PLA2G4B: variants seen among roughly 807,000 people sequenced by gnomAD.
The protein encoded by PLA2G4B is phospholipase A2 group IVB, also known as cytosolic phospholipase A2 beta.
Under a neutral mutation model 95.8 loss-of-function variants are expected in PLA2G4B, and 122 were observed. The ratio of observed to expected loss-of-function variants is 1.27; its 90% confidence interval spans 1.10 to 1.48. The LOEUF is 1.48. PLA2G4B is among the 40% of genes most tolerant of loss of function. PLA2G4B has a pLI of 0.00. For synonymous variants in PLA2G4B, 518 were observed against 421.5 expected (o/e 1.23, Z -2.80); for missense variants, 1,158 against 996.2 (o/e 1.16, Z -2.19).
chr15:41,842,428 G>C (rs1003860609), intron 9 of PLA2G4B, 126 bp from the exon 10 acceptor site: 89 of 1,556,928 alleles, frequency 5.7e-5, no homozygotes, highest in Non-Finnish European at 7.4e-5. Flanking sequence ...GAGCATCCCT[G>C]CTTCAGGCCT....
chr15:41,840,969 TGCACACACAC>T, intron 4 of PLA2G4B, 64 bp downstream of exon 4: 2 of 1,589,146 alleles, frequency 1.3e-6, no homozygotes, highest in Non-Finnish European at 1.7e-6. Flanking sequence ...CGCGCACACA[TGCACACACAC>T]GCATGTCTCT....
chr15:41,841,735 G>A (rs200765689), intron 7 of PLA2G4B, 84 bp from the exon 8 acceptor site: 2 of 1,579,216 alleles, frequency 1.3e-6, no homozygotes, highest in Non-Finnish European at 1.7e-6. Context: ...GGGAGAGGGA[G>A]GTGCCCTCCA....
chr15:41,838,882 C>G lies in PLA2G4B; in HGVS notation c.-32C>G. On this transcript the variant is annotated 5_prime_UTR_variant, in exon 1 of 20. Coordinates refer to ENST00000458483, the MANE Select transcript of PLA2G4B (RefSeq NM_001114633.2). ...CAGTCCTTGATCCTGTGGCCACTGC[C>G]CCATCATTCCTGCTCCTGAGGACTC... The G allele has an allele frequency of 6.3e-7, 1 of 1,589,280 alleles. No homozygotes were observed. Among genetic ancestry groups the G allele is most frequent in the Admixed American group, 1.8e-5 (1 of 57,014 alleles).
At position 41,847,849 on chromosome 15, in the gene PLA2G4B, A is replaced by G; in HGVS notation, c.2335A>G (p.Arg779Gly). The G allele has an allele frequency of 6.2e-7, 1 of 1,612,674 alleles. No individual in the cohort carries two copies. Among genetic ancestry groups the G allele is most frequent in the Non-Finnish European group, 8.5e-7 (1 of 1,179,860 alleles). ...GGCAGTGCAGCGGAGGCGGCAGCGC[A>G]GGCCCCACTGATGGCCGGGGCCCCT... ...RQAVQRRRQR[R>G]PH The change falls in exon 20 of 20, where the codon AGG becomes GGG. Residue 779 changes from arginine to glycine, a missense_variant. Transcript: ENST00000458483.
chr15:41,843,398 TGGGGCCTGCCTG>T (rs1235934423), intron 10 of PLA2G4B, among the ~76,000 whole-genome samples: 1 of 152,080 alleles, frequency 6.6e-6, no homozygotes, highest in Non-Finnish European at 1.5e-5. Context: ...ATCTATGGTA[TGGGGCCTGCCTG>T]GGGGCCTGTC....
intron 10 of PLA2G4B, 27 bp downstream of exon 10, chr15:41,842,618 A>G (rs1207914910): frequency 6.2e-7 from 1 of 1,606,058 alleles, no homozygotes; most frequent in Admixed American, 1.8e-5. Context: ...GGGACTGGGC[A>G]AGGCCCTGGA....
Position 41,847,749 on chromosome 15 carries a change from C to T in PLA2G4B, c.2235C>T (p.Asp745=), listed in dbSNP as rs770719035. The T allele has an allele frequency of 3.6e-5, 58 of 1,610,262 alleles. No individual in the cohort carries two copies. The highest frequency in any genetic ancestry group is 1.0e-4 in the Admixed American group (6 of 59,902). Residue 745 remains aspartate, a synonymous_variant, in exon 20 of 20, where the codon GAC becomes GAT. Transcript: ENST00000458483. Reference sequence around the variant, plus strand: ...CGAAGGTGACCTACAGCCAGGAGGACGTGGACAAGCTGCTGCACCTGACAC... The same window carrying T: ...CGAAGGTGACCTACAGCCAGGAGGATGTGGACAAGCTGCTGCACCTGACAC... ...HYTKVTYSQE[D]VDKLLHLTHY...
chr15:41,845,508 C>T (rs1396175352), intron 14 of PLA2G4B, 130 bp from the exon 15 acceptor site: 1 of 1,494,092 alleles, frequency 6.7e-7, no homozygotes, highest in Non-Finnish European at 8.9e-7. Context: ...AGGTCCTATG[C>T]ACGAAGCCCA....
chr15:41,847,787 G>A lies in PLA2G4B; in HGVS notation c.2273G>A (p.Cys758Tyr), dbSNP rs142349947. Residue 758 changes from cysteine to tyrosine, a missense_variant, in exon 20 of 20, where the codon TGC becomes TAC. By Grantham distance (194) the Cys-to-Tyr change is radical (BLOSUM62 -2). Transcript: ENST00000458483. ...KLLHLTHYNV[C>Y]NNQEQLLEAL... ...CTGCACCTGACACATTACAATGTCT[G>A]CAACAACCAGGAGCAGCTGCTGGAG... 136 of 1,613,574 alleles carry A rather than the reference G, an allele frequency of 8.4e-5. No individual in the cohort carries two copies. The highest frequency in any genetic ancestry group is 1.1e-4 in the Non-Finnish European group (133 of 1,180,044).
rs2065518122 is a variant in PLA2G4B at position 41,845,319 on chromosome 15, G to A, written c.1356G>A (p.Gly452=). The change falls in exon 14 of 20, where the codon GGG becomes GGA. Residue 452 remains glycine (G), a splice_region_variant and synonymous_variant. Transcript: ENST00000458483. The part of the protein sequence containing the change: ...KGQSLTTFEF[G]EWCEFSPYEV... ...AGAGCCTGACCACTTTTGAATTTGGGGGTGAGTGGCCCAAGAGCTGAGACC... is the reference window on the plus strand; with the variant it reads ...AGAGCCTGACCACTTTTGAATTTGGAGGTGAGTGGCCCAAGAGCTGAGACC... The A allele has an allele frequency of 6.2e-7, 1 of 1,613,756 alleles. No homozygotes were observed. Among genetic ancestry groups the A allele is most frequent in the Non-Finnish European group, 8.5e-7 (1 of 1,179,872 alleles).
rs2065614581 is a variant in PLA2G4B at position 41,848,071 on chromosome 15, GGCCTGT to G, written c.*218_*223del. The G allele has an allele frequency of 1.6e-6, 1 of 644,968 alleles. No individual in the cohort carries two copies. The highest frequency in any genetic ancestry group is 1.8e-5 in the African/African-American group (1 of 54,636). 40.0% of individuals were successfully genotyped at this position (644,968 alleles called of 1,614,324 possible). A position where few individuals can be genotyped will look rare whatever the true frequency, so the allele number is the denominator to read the frequency against. ...TTTGTGTAATCACCCAAAACCCCCCGGCCTGTGCCTGTTTTCCCTTCTGCGCTACCT... is the reference window on the plus strand; with the variant it reads ...TTTGTGTAATCACCCAAAACCCCCCGGCCTGTTTTCCCTTCTGCGCTACCT... On this transcript the variant is annotated 3_prime_UTR_variant, in exon 20 of 20. Transcript: ENST00000458483.
chr15:41,841,254 T>C lies in PLA2G4B; in HGVS notation c.416T>C (p.Val139Ala), dbSNP rs1174558502. 7 of 1,613,090 alleles carry C rather than the reference T, an allele frequency of 4.3e-6. No homozygotes were observed. Among genetic ancestry groups the C allele is most frequent in the Non-Finnish European group, 5.9e-6 (7 of 1,179,986 alleles). The change falls in exon 6 of 20, where the codon GTC becomes GCC. Residue 139 changes from valine to alanine, a missense_variant. Physicochemically the swap from Val to Ala is moderately conservative, Grantham distance 64 (BLOSUM62 0). Coordinates refer to ENST00000458483, the MANE Select transcript of PLA2G4B (RefSeq NM_001114633.2). ...AGGGCTGACCGTGGCGAGTGGCTCGTCAGCAATGGCGTTCTGGTGGTGAGT... is the reference window on the plus strand; with the variant it reads ...AGGGCTGACCGTGGCGAGTGGCTCGCCAGCAATGGCGTTCTGGTGGTGAGT... ...QSLADRGEWL[V>A]SNGVLVAREL...
At position 41,844,872 on chromosome 15, in the gene PLA2G4B, C is replaced by T; in HGVS notation, c.1041C>T (p.Asp347=). Residue 347 remains aspartate (D), a synonymous_variant, in exon 13 of 20, where the codon GAC becomes GAT. Transcript: ENST00000458483. ...GGGCCTTGGCCAACCTTTATGAGGA[C>T]CCAGAGTGGTCTCAGAAGGACCTGG... ...STWALANLYE[D]PEWSQKDLAG... The T allele has an allele frequency of 1.2e-6, 2 of 1,609,300 alleles. No individual in the cohort carries two copies. Among genetic ancestry groups the T allele is most frequent in the Non-Finnish European group, 1.7e-6 (2 of 1,178,182 alleles).
In PLA2G4B at chr15:41,841,250, C is replaced by T. The variant is rs2065426514; in HGVS notation, c.412C>T (p.Leu138Phe). 5.6e-6 allele frequency: 9 copies of T among 1,613,408 alleles called. No individual in the cohort carries two copies. Among genetic ancestry groups the T allele is most frequent in the African/African-American group, 1.3e-5 (1 of 74,886 alleles). The change falls in exon 6 of 20, where the codon CTC becomes TTC. Residue 138 changes from leucine (L) to phenylalanine (F), a missense_variant. Physicochemically the swap from Leu to Phe is conservative, Grantham distance 22. Transcript: ENST00000458483. ...TTCCAGGGCTGACCGTGGCGAGTGG[C>T]TCGTCAGCAATGGCGTTCTGGTGGT... ...LQSLADRGEW[L>F]VSNGVLVARE... is the part of the protein sequence containing the mutation.
Position 41,843,725 on chromosome 15 carries a change from C to A in PLA2G4B, c.793C>A (p.Gln265Lys), listed in dbSNP as rs1442246680. ...RLGFGPCAEE[Q>K]AFLSRRKQVV... ...GGGCTTCGGGCCCTGTGCAGAGGAG[C>A]AGGCCTTCCTGAGCAGGAGGAAGCA... The change falls in exon 11 of 20, where the codon CAG (glutamine) becomes AAG (lysine). Residue 265 changes from glutamine (Q) to lysine (K), a missense_variant. Coordinates refer to ENST00000458483, the MANE Select transcript of PLA2G4B (RefSeq NM_001114633.2). The A allele has an allele frequency of 6.2e-7, 1 of 1,613,940 alleles. No homozygotes were observed. The highest frequency in any genetic ancestry group is 8.5e-7 in the Non-Finnish European group (1 of 1,180,008).
In PLA2G4B at chr15:41,846,311, C is replaced by A; in HGVS notation, c.1709C>A (p.Thr570Lys). 5.0e-6 allele frequency: 8 copies of A among 1,613,444 alleles called. No individual in the cohort carries two copies. Among genetic ancestry groups the A allele is most frequent in the Non-Finnish European group, 6.8e-6 (8 of 1,179,348 alleles). ...LLTWRPLAQA[T>K]HNFLRGLHFH... ...ACGTGGCGTCCACTGGCCCAGGCCA[C>A]ACATAATTTCCTGCGTGGCCTCCAT... Residue 570 changes from threonine (T) to lysine (K), a missense_variant, in exon 17 of 20, where the codon ACA (threonine) becomes AAA (lysine). Physicochemically the swap from Thr to Lys is moderately conservative, Grantham distance 78. Transcript: ENST00000458483.
In PLA2G4B at chr15:41,847,641, C is replaced by G; in HGVS notation, c.2135-8C>G. 6.2e-7 allele frequency: 1 copy of G among 1,613,640 alleles called. No homozygotes were observed. The highest frequency in any genetic ancestry group is 1.1e-5 in the South Asian group (1 of 91,088). On this transcript the variant is annotated splice_region_variant and splice_polypyrimidine_tract_variant and intron_variant, in intron 19 of 19. Transcript: ENST00000458483. ...TGTTCCCCATGCCAGGCTGCACTCT[C>G]TCCACAGGGGTCCGGCGGACACCCG... is the stretch of plus-strand genomic sequence containing the variant.
chr15:41,842,498 C>G lies in PLA2G4B; in HGVS notation c.706-56C>G, dbSNP rs369303874. On this transcript the variant is annotated intron_variant, in intron 9 of 19. Transcript: ENST00000458483. ...TGCGCCGGGGATCAGGGTAAGAGGA[C>G]CAGAGCTGGGTGGAGGTGGCCGACC... The G allele has an allele frequency of 3.1e-6, 5 of 1,608,496 alleles. No individual in the cohort carries two copies. In the East Asian group the frequency reaches 1.1e-4, roughly 36 times the overall value.
chr15:41,846,551 G>C, intron 17 of PLA2G4B, 118 bp from the exon 18 acceptor site: 1 of 1,509,032 alleles, frequency 6.6e-7, no homozygotes, highest in Non-Finnish European at 8.9e-7. Context: ...CCACCTGCAG[G>C]GCTGTGGGGG....
Sources: gnomAD v4.1 joint callset for allele counts (sites outside exome capture counted in the v4.1 genomes callset) on GRCh38, gnomAD v4.1.1 for gene constraint, MANE v1.5 for transcripts, NCBI Gene and HGNC (gene_info 2026-07-23, HGNC 2026-07-21) for gene names.